Variants in IGSF23 observed in about 807,000 individuals in gnomAD.
IGSF23 encodes the protein immunoglobulin superfamily member 23, also known as immunoglobulin superfamily, member 23.
IGSF23 carries 14 observed loss-of-function variants against 17.8 expected under a neutral mutation model. The observed-to-expected ratio is 0.79, with a 90% CI of 0.52 to 1.23. The LOEUF (loss-of-function observed/expected upper bound fraction) is 1.23. Ranked by LOEUF, IGSF23 falls within the 50% of genes most tolerant of loss-of-function variation. IGSF23 has a pLI of 0.00. For synonymous variants in IGSF23, 85 were observed against 92.5 expected (o/e 0.92, Z 0.46); for missense variants, 214 against 241.7 (o/e 0.89, Z 0.76).
chr19:44,633,152 T>C (rs1972806278), intron 3 of IGSF23, among the ~76,000 whole-genome samples: 1 of 152,264 alleles, frequency 6.6e-6, no homozygotes, highest in African/African-American at 2.4e-5. Flanking sequence ...GTTCACAGTC[T>C]TGCTCAGCTA....
chr19:44,623,299 G>A (rs1972560604), intron 1 of IGSF23, among the ~76,000 whole-genome samples: 1 of 152,220 alleles, frequency 6.6e-6, no homozygotes, highest in Non-Finnish European at 1.5e-5. Flanking sequence ...GTCCCATTGG[G>A]GAACTCAGGC....
intron 3 of IGSF23, among the ~76,000 whole-genome samples, chr19:44,629,576 AT>A (rs1367061610): frequency 1.3e-5 from 2 of 152,116 alleles, no homozygotes; most frequent in African/African-American, 4.8e-5. Flanking sequence ...AATTAAAAAA[AT>A]AATGTTTTTA....
intron 2 of IGSF23, 48 bp downstream of exon 2, chr19:44,624,020 C>T: frequency 6.8e-7 from 1 of 1,481,472 alleles, no homozygotes; most frequent in Non-Finnish European, 9.0e-7. Flanking sequence ...GAGCCCTGCA[C>T]CCTCTCCAGC....
chr19:44,614,183 A>G (rs1304252927), intron 1 of IGSF23, among the ~76,000 whole-genome samples: 1 of 152,108 alleles, frequency 6.6e-6, no homozygotes, highest in African/African-American at 2.4e-5. Context: ...TCTTTTAGGA[A>G]GAAGGGAAGT....
chr19:44,630,733 T>C (rs922491403), intron 3 of IGSF23, among the ~76,000 whole-genome samples: 1 of 152,212 alleles, frequency 6.6e-6, no homozygotes, highest in East Asian at 1.9e-4. Context: ...CATGGCTGCC[T>C]TGACCCTCCC....
At chr19:44,614,582 G>A (rs905637823) in intron 1 of IGSF23, among the ~76,000 whole-genome samples, 2 of 151,944 alleles carry the variant, frequency 1.3e-5, no homozygotes, top group East Asian at 1.9e-4. Context: ...ATAGGTATGC[G>A]CCACCAAACC....
At chr19:44,629,497 G>A (rs1441487889) in intron 3 of IGSF23, among the ~76,000 whole-genome samples, 2 of 151,974 alleles carry the variant, frequency 1.3e-5, no homozygotes, top group African/African-American at 4.8e-5. Context: ...AGGAATTTGA[G>A]GCTGCAGCGA....
intron 1 of IGSF23, among the ~76,000 whole-genome samples, chr19:44,618,566 G>A (rs1029057184): frequency 6.6e-6 from 1 of 152,166 alleles, no homozygotes; most frequent in Non-Finnish European, 1.5e-5. Flanking sequence ...CACTTATCTA[G>A]CTGGACAGTT....
chr19:44,622,993 T>C (rs1054867894), intron 1 of IGSF23, among the ~76,000 whole-genome samples: 2 of 152,168 alleles, frequency 1.3e-5, no homozygotes, highest in Non-Finnish European at 2.9e-5. Flanking sequence ...CCTGTGCAGT[T>C]TTCCTCACAG....
intron 3 of IGSF23, among the ~76,000 whole-genome samples, chr19:44,629,965 G>A (rs1483627753): frequency 6.6e-6 from 1 of 152,114 alleles, no homozygotes; most frequent in Admixed American, 6.5e-5. Flanking sequence ...TGAGGGGGCT[G>A]TGGTAGGGGT....
intron 1 of IGSF23, among the ~76,000 whole-genome samples, chr19:44,622,481 C>T (rs981502393): frequency 2.0e-5 from 3 of 152,168 alleles, no homozygotes; most frequent in Non-Finnish European, 4.4e-5. Flanking sequence ...TAATGAGCCC[C>T]AAACCTCAGA....
At chr19:44,615,592 C>G (rs980620919) in intron 1 of IGSF23, among the ~76,000 whole-genome samples, 87 of 151,044 alleles carry the variant, frequency 5.8e-4, no homozygotes, top group African/African-American at 2.1e-3. Flanking sequence ...CATTGCACTC[C>G]AGCCTGAGCA....
At chr19:44,615,977 G>C (rs1221157837) in intron 1 of IGSF23, among the ~76,000 whole-genome samples, 1 of 152,188 alleles carries the variant, frequency 6.6e-6, no homozygotes, top group Admixed American at 6.5e-5. Context: ...TTTTTAGAAA[G>C]TGGTTTACAA....
At chr19:44,616,879 A>G (rs896202843) in intron 1 of IGSF23, among the ~76,000 whole-genome samples, 2 of 151,630 alleles carry the variant, frequency 1.3e-5, no homozygotes, top group Admixed American at 1.3e-4. Context: ...ATATGTAGAG[A>G]GAGAGAGGGA....
At chr19:44,613,982 CT>C (rs1414609605) in intron 1 of IGSF23, 1 of 1,532,652 alleles carries the variant, frequency 6.5e-7, no homozygotes, top group East Asian at 2.5e-5. Context: ...GAGGAAGCTG[CT>C]TTTAACAGGT....
intron 1 of IGSF23, among the ~76,000 whole-genome samples, chr19:44,621,863 G>A (rs1241480995): frequency 1.3e-5 from 2 of 152,114 alleles, no homozygotes; most frequent in African/African-American, 2.4e-5. Context: ...TTAGACACCT[G>A]GGCATGGGTC....
At chr19:44,625,477 T>A (rs1247758753) in intron 2 of IGSF23, among the ~76,000 whole-genome samples, 1 of 152,256 alleles carries the variant, frequency 6.6e-6, no homozygotes, top group East Asian at 1.9e-4. Context: ...TCAGTCCCTG[T>A]TCCCGTGCCT....
chr19:44,629,372 T>A (rs558594948), intron 3 of IGSF23, among the ~76,000 whole-genome samples: 1 of 151,676 alleles, frequency 6.6e-6, no homozygotes, highest in Non-Finnish European at 1.5e-5. Flanking sequence ...GGCAACATAG[T>A]GAGACCCCGT....
intron 1 of IGSF23, among the ~76,000 whole-genome samples, chr19:44,615,105 C>T (rs532517523): frequency 2.0e-4 from 30 of 151,576 alleles, no homozygotes; most frequent in East Asian, 5.9e-4. Context: ...CTGGCTAACA[C>T]GGTGAAACCC....
Sources: gnomAD v4.1 joint callset for allele counts (sites outside exome capture counted in the v4.1 genomes callset) on GRCh38, gnomAD v4.1.1 for gene constraint, MANE v1.5 for transcripts, NCBI Gene and HGNC (gene_info 2026-07-23, HGNC 2026-07-21) for gene names.